USP54: variants seen among roughly 807,000 people sequenced by gnomAD.
The protein encoded by USP54 is ubiquitin specific peptidase 54.
In USP54, 87 loss-of-function variants were observed where a neutral mutation model predicts 170.5. The observed-to-expected ratio is 0.51, with a 90% CI of 0.43 to 0.61. The LOEUF is 0.61. Among genes scored for constraint, USP54 ranks in the 20% least tolerant of loss-of-function variants. The pLI is 0.00. For missense variants in USP54, 1,786 were observed against 2,047.8 expected (o/e 0.87, Z 2.47); for synonymous variants, 655 against 742.8 (o/e 0.88, Z 1.92).
rs750372975 is a variant in USP54 at position 73,575,614 on chromosome 10, TAC to T, written c.43_44del (p.Val15ThrfsTer21). 1 of 1,613,642 alleles carries T rather than the reference TAC, an allele frequency of 6.2e-7. No homozygotes were observed. The highest frequency in any genetic ancestry group is 8.5e-7 in the Non-Finnish European group (1 of 1,179,818). On this transcript the variant is annotated frameshift_variant, in exon 3 of 24. Coordinates refer to ENST00000687698, the MANE Select transcript of USP54 (RefSeq NM_001391956.1). LOFTEE classifies it high-confidence loss of function. The stretch of plus-strand genomic sequence containing the variant: ...AGCTTCGAGGTGCAAACATCCCTTG[TAC>T]ACTACCACGACCCCCTGAAAAATAA... The part of the protein sequence containing the change: ...RNYFSGGRGS[V>X]QGMFAPRSST...
chr10:73,516,822 A>C lies in USP54; in HGVS notation c.3604T>G (p.Ser1202Ala). The change falls in exon 20 of 24, where the codon TCC becomes GCC. Residue 1202 changes from serine to alanine, a missense_variant. Around this residue, in one of 3 missense-constraint regions of USP54, gnomAD observed 1,418 missense variants for 1,569.0 expected, o/e 0.90. Coordinates refer to ENST00000687698, the MANE Select transcript of USP54 (RefSeq NM_001391956.1). ...GGDRPLSWEESTEHSSLALNS... is the reference protein window; with the variant it reads ...GGDRPLSWEEATEHSSLALNS... Reference sequence around the variant, plus strand: ...AAGGCAAGAGAAGAATGTTCAGTGGACTCTTCCCAGGAAAGTGGTCTATCC... The same window carrying C: ...AAGGCAAGAGAAGAATGTTCAGTGGCCTCTTCCCAGGAAAGTGGTCTATCC... The C allele has an allele frequency of 6.2e-7, 1 of 1,614,010 alleles. No individual in the cohort carries two copies. Among genetic ancestry groups the C allele is most frequent in the African/African-American group, 1.3e-5 (1 of 74,970 alleles).
Position 73,599,631 on chromosome 10 carries a change from A to G in USP54, c.-17-23956T>C, listed in dbSNP as rs375668179. 5.9e-5 allele frequency among the ~76,000 whole-genome samples: 9 copies of G among 152,294 alleles called. No individual in the cohort carries two copies. The South Asian group carries it at 1.5e-3, about 25-fold the overall frequency. ...TCAGCCTTAAGACTTAAATTCATTT[A>G]AAAATGTTCACTCTTACCATCTTAG... On this transcript the variant is annotated intron_variant, in intron 1 of 22. Transcript: ENST00000339859.
intron 17 of USP54, among the ~76,000 whole-genome samples, chr10:73,521,701 G>A (rs978289334): frequency 3.3e-5 from 5 of 152,174 alleles, no homozygotes; most frequent in Non-Finnish European, 5.9e-5. Context: ...TGTCATAAGC[G>A]TTGCTAAGTA....
At chr10:73,511,485 C>A (rs1171269195) in intron 20 of USP54, among the ~76,000 whole-genome samples, 1 of 151,666 alleles carries the variant, frequency 6.6e-6, no homozygotes, top group Admixed American at 6.6e-5. Context: ...CATGGTGAAA[C>A]CCCGTCTCTA....
chr10:73,546,448 T>A (rs1022329454), intron 4 of USP54: 2 of 152,166 alleles, frequency 1.3e-5, no homozygotes, highest in East Asian at 3.8e-4. Context: ...ACCTCCTGCC[T>A]CAGCATCCTG....
At chr10:73,588,837 C>A (rs2077854190) in intron 1 of USP54, among the ~76,000 whole-genome samples, 1 of 152,206 alleles carries the variant, frequency 6.6e-6, no homozygotes, top group Non-Finnish European at 1.5e-5. Flanking sequence ...ATGCTCCTCC[C>A]ATCTTCCCAG....
In USP54 at chr10:73,517,056, T is replaced by C. The variant is rs761437237; in HGVS notation, c.3370A>G (p.Ser1124Gly). 1.2e-6 allele frequency: 2 copies of C among 1,614,102 alleles called. No homozygotes were observed. The highest frequency in any genetic ancestry group is 1.3e-5 in the African/African-American group (1 of 74,954). Residue 1124 changes from serine to glycine, a missense_variant, in exon 20 of 24, where the codon AGC (serine) becomes GGC (glycine). Physicochemically the swap from Ser to Gly is moderately conservative, Grantham distance 56. Coordinates refer to ENST00000687698, the MANE Select transcript of USP54 (RefSeq NM_001391956.1). ...SEETYRPEFPSTKGLVRSLAE... is the reference protein window; with the variant it reads ...SEETYRPEFPGTKGLVRSLAE... ...AGAGAACGGACAAGCCCCTTTGTGC[T>C]GGGAAACTCTGGCCTATAGGTCTCC...
intron 1 of USP54, 31 bp from the exon 2 acceptor site, chr10:73,576,392 T>G (rs1027764619): frequency 6.6e-6 from 1 of 151,888 alleles, no homozygotes; most frequent in African/African-American, 2.4e-5. Context: ...ATCAAAAGCT[T>G]GCGTCACTTA....
upstream of USP54, among the ~76,000 whole-genome samples, chr10:73,594,663 G>T (rs1225636609): frequency 6.8e-6 from 1 of 146,878 alleles, no homozygotes; most frequent in Non-Finnish European, 1.5e-5. Context: ...GAGGGGTGGG[G>T]AAGAGACTGC....
intron 22 of USP54, 62 bp downstream of exon 22, chr10:73,504,788 A>G: frequency 3.7e-6 from 6 of 1,608,242 alleles, no homozygotes; most frequent in Non-Finnish European, 5.1e-6. Flanking sequence ...CTTCACCTGC[A>G]CTGTATTTTT....
intron 4 of USP54, among the ~76,000 whole-genome samples, chr10:73,552,305 C>A (rs1272713604): frequency 6.6e-6 from 1 of 151,688 alleles, no homozygotes; most frequent in Non-Finnish European, 1.5e-5. Context: ...CCCAGCTACT[C>A]GGGAGGCTGA....
chr10:73,499,079 G>A lies in USP54; in HGVS notation c.4605C>T (p.Arg1535=), dbSNP rs143010464. 1.7e-4 allele frequency: 276 copies of A among 1,614,178 alleles called. No individual in the cohort carries two copies. In the African/African-American group the frequency reaches 2.6e-3, roughly 15 times the overall value. The change falls in exon 24 of 24, where the codon CGC becomes CGT. Residue 1535 remains arginine, a synonymous_variant. Coordinates refer to ENST00000687698, the MANE Select transcript of USP54 (RefSeq NM_001391956.1). ...RTLNYQSLPH[R]SRTDNSWAPW... ...GTGCCCAGGAGTTGTCTGTTCTGGA[G>A]CGATGGGGGAGGCTCTGGTAGTTCA...
chr10:73,570,689 G>A (rs1589198577), intron 4 of USP54, among the ~76,000 whole-genome samples: 2 of 151,750 alleles, frequency 1.3e-5, no homozygotes, highest in South Asian at 4.2e-4. Context: ...GGGATTACAG[G>A]CATGTGCCAC....
intron 16 of USP54, among the ~76,000 whole-genome samples, chr10:73,525,788 T>C (rs992942210): frequency 6.6e-6 from 1 of 152,236 alleles, no homozygotes. Context: ...ACCTTTAGTA[T>C]ACATACCTAA....
At chr10:73,544,437 T>C (rs755138492) in intron 5 of USP54, among the ~76,000 whole-genome samples, 5 of 152,248 alleles carry the variant, frequency 3.3e-5, no homozygotes, top group Non-Finnish European at 4.4e-5. Flanking sequence ...TTTTTACTAT[T>C]ATGAATAACA....
intron 4 of USP54, among the ~76,000 whole-genome samples, chr10:73,556,480 G>A (rs888977354): frequency 2.0e-5 from 3 of 151,550 alleles, no homozygotes; most frequent in African/African-American, 7.3e-5. Context: ...CAAGTAGCTG[G>A]GATTACAGGC....
At chr10:73,551,565 C>T (rs1704502329) in intron 4 of USP54, among the ~76,000 whole-genome samples, 1 of 152,186 alleles carries the variant, frequency 6.6e-6, no homozygotes, top group South Asian at 2.1e-4. Flanking sequence ...GGGGAAAAAG[C>T]AGTGACTGCT....
chr10:73,561,416 G>A (rs12572341), intron 4 of USP54, among the ~76,000 whole-genome samples: 4,758 of 152,182 alleles, frequency 0.031, 212 homozygotes, highest in East Asian at 0.22. Flanking sequence ...CTTGAGGCCA[G>A]GAGTTTAAGG....
In USP54 at chr10:73,516,539, T is replaced by G; in HGVS notation, c.3887A>C (p.Tyr1296Ser). ...SPHDSHTCVT[Y>S]PERNHILLHP... Reference sequence around the variant, plus strand: ...CAAAAGGATGTGATTTCTCTCTGGATAGGTTACACACGTATGGGAATCATG... The same window carrying G: ...CAAAAGGATGTGATTTCTCTCTGGAGAGGTTACACACGTATGGGAATCATG... The change falls in exon 20 of 24, where the codon TAT (tyrosine) becomes TCT (serine). Residue 1296 changes from tyrosine (Y) to serine (S), a missense_variant. Tyr to Ser is a moderately radical substitution (Grantham distance 144). Transcript: ENST00000687698. 6.2e-7 allele frequency: 1 copy of G among 1,614,186 alleles called. No homozygotes were observed. The highest frequency in any genetic ancestry group is 8.5e-7 in the Non-Finnish European group (1 of 1,180,028).
Sources: allele counts gnomAD v4.1 joint callset (sites outside exome capture counted in the v4.1 genomes callset), GRCh38; gene constraint gnomAD v4.1.1; regional missense constraint gnomAD v4.1.1; transcripts MANE v1.5; gene names NCBI Gene and HGNC (gene_info 2026-07-23, HGNC 2026-07-21).